The following SOX6 variants were observed in gnomAD, a reference collection of about 807,000 sequenced individuals.
SOX6 encodes transcription factor SOX-6.
Under a neutral mutation model 97.8 loss-of-function variants are expected in SOX6, and 11 were observed. The ratio of observed to expected loss-of-function variants is 0.11; its 90% CI spans 0.07 to 0.19. SOX6 has a LOEUF of 0.19. Among genes scored for constraint, SOX6 ranks in the 10% least tolerant of loss-of-function variants. The pLI is 1.00. For synonymous variants in SOX6, 360 were observed against 371.4 expected (o/e 0.97, Z 0.35); for missense variants, 810 against 1,039.5 (o/e 0.78, Z 3.04).
At chr11:16,673,930 C>T (rs552676814) in intron 3 of SOX6, among the ~76,000 whole-genome samples, 1 of 152,212 alleles carries the variant, frequency 6.6e-6, no homozygotes, top group East Asian at 1.9e-4. Flanking sequence ...TGGCTCATGC[C>T]TGTAATCCCA....
intron 6 of SOX6, among the ~76,000 whole-genome samples, chr11:16,133,197 A>T (rs1385292838): frequency 4.6e-5 from 7 of 152,212 alleles, no homozygotes; most frequent in African/African-American, 7.2e-5. Flanking sequence ...CTCCTAAACA[A>T]ATGGGGCACA....
chr11:16,289,443 T>C (rs1590096616), intron 3 of SOX6, among the ~76,000 whole-genome samples: 2 of 152,014 alleles, frequency 1.3e-5, no homozygotes, highest in Non-Finnish European at 2.9e-5. Flanking sequence ...CAGTAAATAA[T>C]GTGCGTTCAA....
chr11:16,143,993 C>T (rs910719159), intron 6 of SOX6, among the ~76,000 whole-genome samples: 4 of 152,154 alleles, frequency 2.6e-5, no homozygotes, highest in Non-Finnish European at 5.9e-5. Flanking sequence ...AGCTCTGCAC[C>T]AGGCGGACCT....
At chr11:16,431,592 A>G (rs1859273638) in intron 1 of SOX6, among the ~76,000 whole-genome samples, 2 of 152,160 alleles carry the variant, frequency 1.3e-5, no homozygotes, top group Admixed American at 1.3e-4. Flanking sequence ...CAATTTATAA[A>G]CTAGATGAGG....
chr11:16,211,459 T>TA (rs72109927), intron 4 of SOX6, among the ~76,000 whole-genome samples: 66,591 of 149,794 alleles, frequency 0.44, 14,939 homozygotes, highest in East Asian at 0.53. Flanking sequence ...AGAGTTAAAT[T>TA]AAAAAAAAAA....
chr11:16,129,359 C>T (rs1849683623), intron 6 of SOX6, among the ~76,000 whole-genome samples: 1 of 151,788 alleles, frequency 6.6e-6, no homozygotes, highest in Non-Finnish European at 1.5e-5. Context: ...TTTTTTTTCC[C>T]ACTTCCCATC....
intron 3 of SOX6, among the ~76,000 whole-genome samples, chr11:16,633,732 G>A (rs184284602): frequency 2.3e-4 from 35 of 152,308 alleles, no homozygotes; most frequent in Non-Finnish European, 3.5e-4. Flanking sequence ...GAGACTGTCA[G>A]GGAACAGGAA....
At chr11:16,197,119 C>T (rs1037061759) in intron 4 of SOX6, among the ~76,000 whole-genome samples, 2 of 152,094 alleles carry the variant, frequency 1.3e-5, no homozygotes, top group South Asian at 2.1e-4. Context: ...CAGGCGGGAG[C>T]CACCACGCCC....
intron 13 of SOX6, among the ~76,000 whole-genome samples, chr11:15,992,832 GAT>G (rs1445069747): frequency 2.0e-5 from 3 of 152,136 alleles, no homozygotes; most frequent in Non-Finnish European, 4.4e-5. Flanking sequence ...TATGCAGAAA[GAT>G]AGATGTTTTC....
intron 3 of SOX6, among the ~76,000 whole-genome samples, chr11:16,279,562 A>G (rs191623315): frequency 6.6e-6 from 1 of 152,194 alleles, no homozygotes; most frequent in East Asian, 1.9e-4. Flanking sequence ...CTTATTAAAT[A>G]TTTTTAATAC....
intron 5 of SOX6, 139 bp downstream of exon 5, chr11:16,186,644 G>T (rs1851484364): frequency 1.9e-6 from 2 of 1,062,018 alleles, no homozygotes; most frequent in Non-Finnish European, 1.3e-6. Flanking sequence ...AGAAGGCTTT[G>T]TTTTTTTTTT....
chr11:16,598,999 T>C (rs1848241017), intron 4 of SOX6, among the ~76,000 whole-genome samples: 1 of 152,156 alleles, frequency 6.6e-6, no homozygotes, highest in African/African-American at 2.4e-5. Flanking sequence ...GTATACACTG[T>C]AATATGCACA....
intron 4 of SOX6, among the ~76,000 whole-genome samples, chr11:16,583,618 T>TATATATATATACACACACACAC (rs777859840): frequency 0.25 from 31,949 of 125,876 alleles, 5,230 homozygotes; most frequent in East Asian, 0.45. Context: ...TATATACATA[T>TATATATATATACACACACACAC]ATATATATAT....
intron 3 of SOX6, among the ~76,000 whole-genome samples, chr11:16,705,012 C>T (rs1848120921): frequency 6.6e-6 from 1 of 152,164 alleles, no homozygotes. Context: ...AATCCCAACA[C>T]TTTGGGAGGC....
intron 4 of SOX6, among the ~76,000 whole-genome samples, chr11:16,193,534 A>G (rs1162107327): frequency 6.6e-6 from 1 of 152,216 alleles, no homozygotes; most frequent in East Asian, 1.9e-4. Context: ...ACACATTAAT[A>G]AACTTAATCG....
chr11:16,109,236 T>C (rs1849169203), intron 7 of SOX6, among the ~76,000 whole-genome samples: 2 of 152,184 alleles, frequency 1.3e-5, no homozygotes, highest in Admixed American at 1.3e-4. Context: ...GGTCTCACTC[T>C]GCTGCTAAGA....
chr11:16,156,804 C>A (rs1850612966), intron 6 of SOX6, among the ~76,000 whole-genome samples: 2 of 151,960 alleles, frequency 1.3e-5, no homozygotes, highest in South Asian at 2.1e-4. Flanking sequence ...TCAATTTATT[C>A]AAATCATTTA....
intron 4 of SOX6, among the ~76,000 whole-genome samples, chr11:16,207,280 A>G (rs1424074599): frequency 6.6e-6 from 1 of 152,190 alleles, no homozygotes; most frequent in Non-Finnish European, 1.5e-5. Flanking sequence ...AGCTAGGAAT[A>G]TTATGCAGAC....
At chr11:16,005,435 T>C (rs985265485) in intron 13 of SOX6, among the ~76,000 whole-genome samples, 4 of 151,966 alleles carry the variant, frequency 2.6e-5, no homozygotes, top group African/African-American at 4.8e-5. Flanking sequence ...AACCTACAGA[T>C]AGGCTTTTTT....
Sources: gnomAD v4.1 joint callset for allele counts (sites outside exome capture counted in the v4.1 genomes callset) on GRCh38, gnomAD v4.1.1 for gene constraint, MANE v1.5 for transcripts, NCBI Gene and HGNC (gene_info 2026-07-23, HGNC 2026-07-21) for gene names.